Variants in GINM1 observed in about 807,000 individuals in gnomAD.
GINM1 encodes the protein glycoprotein integral membrane protein 1.
In GINM1, 29 loss-of-function variants were observed where a neutral mutation model predicts 37.8. The ratio of observed to expected loss-of-function variants is 0.77; its 90% CI spans 0.57 to 1.05. The LOEUF (loss-of-function observed/expected upper bound fraction) is 1.05. Ranked by LOEUF, GINM1 falls within the 50% of genes least tolerant of loss-of-function variation. The pLI, the probability that GINM1 is intolerant of heterozygous loss-of-function variation, is 0.00. For synonymous variants in GINM1, 143 were observed against 146.2 expected (o/e 0.98, Z 0.16); for missense variants, 377 against 397.9 (o/e 0.95, Z 0.45).
intron 3 of GINM1, 113 bp downstream of exon 3, chr6:149,572,716 C>T (rs754407638): frequency 5.5e-5 from 39 of 709,518 alleles, no homozygotes; most frequent in Non-Finnish European, 9.1e-5. Flanking sequence ...GGCTGGAGTG[C>T]AATGGTGCGA....
chr6:149,573,958 T>G (rs1387788295), intron 3 of GINM1, among the ~76,000 whole-genome samples: 2 of 151,980 alleles, frequency 1.3e-5, no homozygotes, highest in African/African-American at 4.8e-5. Context: ...CTTTAAAAAT[T>G]TTGAGTTGTT....
intron 1 of GINM1, among the ~76,000 whole-genome samples, chr6:149,569,717 T>TA (rs1219172793): frequency 6.6e-6 from 1 of 152,202 alleles, no homozygotes; most frequent in Non-Finnish European, 1.5e-5. Flanking sequence ...GGAGGACACT[T>TA]ACTTTCTTGT....
At position 149,590,737 on chromosome 6, in the gene GINM1, C is replaced by T. The variant is rs1313710024; in HGVS notation, c.892C>T (p.Gln298Ter). The change falls in exon 8 of 8, where the codon CAG (glutamine) becomes TAG (stop). Residue 298 changes from glutamine (Q) to a stop codon, truncating the protein, a stop_gained. Transcript: ENST00000367419. LOFTEE classifies it high-confidence loss of function. Reference sequence around the variant, plus strand: ...CACTTTCTATTTCAGAGGAATTCTTCAGTTGGATAAAGTGGACGTCATACC... The same window carrying T: ...CACTTTCTATTTCAGAGGAATTCTTTAGTTGGATAAAGTGGACGTCATACC... ...FPVSEYKGIL[Q>*]LDKVDVIPVT... is the part of the protein sequence containing the mutation. 2.6e-6 allele frequency: 4 copies of T among 1,527,850 alleles called. No individual in the cohort carries two copies. The highest frequency in any genetic ancestry group is 3.5e-5 in the Admixed American group (2 of 57,764). The allele number at this position is 1,527,850 out of a possible 1,614,324, so 94.6% of individuals were successfully genotyped here.
At chr6:149,585,786 G>A (rs1778062243) in intron 7 of GINM1, among the ~76,000 whole-genome samples, 1 of 152,074 alleles carries the variant, frequency 6.6e-6, no homozygotes, top group Non-Finnish European at 1.5e-5. Context: ...TAGAGACGAG[G>A]TTTCACTGTG....
chr6:149,567,925 A>C (rs1232298335), intron 1 of GINM1, among the ~76,000 whole-genome samples: 1 of 152,244 alleles, frequency 6.6e-6, no homozygotes, highest in Admixed American at 6.5e-5. Context: ...TTCAAGTTTT[A>C]AAGATTCATA....
intron 1 of GINM1, among the ~76,000 whole-genome samples, chr6:149,567,870 A>G (rs553068325): frequency 3.3e-4 from 51 of 152,364 alleles, no homozygotes; most frequent in African/African-American, 1.2e-3. Context: ...TAAAAGTGAA[A>G]TAGTTCTAAA....
intron 7 of GINM1, among the ~76,000 whole-genome samples, chr6:149,589,108 T>C (rs1274072822): frequency 6.6e-6 from 1 of 151,458 alleles, no homozygotes; most frequent in African/African-American, 2.4e-5. Flanking sequence ...CCAGCCATTT[T>C]TTTAAAAAAA....
At chr6:149,573,610 G>A (rs1190888452) in intron 3 of GINM1, among the ~76,000 whole-genome samples, 2 of 152,164 alleles carry the variant, frequency 1.3e-5, no homozygotes, top group African/African-American at 4.8e-5. Flanking sequence ...GCGGGGCATG[G>A]CGGCTCTAGC....
At chr6:149,582,000 C>T (rs949790416) in intron 6 of GINM1, 1 of 470,648 alleles carries the variant, frequency 2.1e-6, no homozygotes, top group African/African-American at 2.0e-5. Context: ...CAGTGAACTT[C>T]CCATGTATTC....
chr6:149,572,099 A>G (rs186180115), intron 1 of GINM1, among the ~76,000 whole-genome samples, 186 bp from the exon 2 acceptor site: 2 of 151,992 alleles, frequency 1.3e-5, no homozygotes, highest in Non-Finnish European at 2.9e-5. Context: ...ATAAATAAAT[A>G]AATAATTGGA....
chr6:149,573,032 G>A lies in GINM1; in HGVS notation c.277+429G>A, dbSNP rs570263471. 2.6e-5 allele frequency among the ~76,000 whole-genome samples: 4 copies of A among 152,240 alleles called. No homozygotes were observed. In the East Asian group the frequency reaches 7.7e-4, roughly 29 times the overall value. On this transcript the variant is annotated intron_variant, in intron 3 of 7. Coordinates refer to ENST00000367419, the MANE Select transcript of GINM1 (RefSeq NM_138785.5). ...GGATGTTATATATTTCCATTTTAAAGTAAAAATAGGCTGGGTGCAGTGGCT... is the reference window on the plus strand; with the variant it reads ...GGATGTTATATATTTCCATTTTAAAATAAAAATAGGCTGGGTGCAGTGGCT...
chr6:149,590,831 G>GT lies in GINM1; in HGVS notation c.987dup (p.Ile330TyrfsTer13). 6.6e-7 allele frequency: 1 copy of GT among 1,526,700 alleles called. No homozygotes were observed. Among genetic ancestry groups the GT allele is most frequent in the Non-Finnish European group, 9.1e-7 (1 of 1,102,766 alleles). The allele number at this position is 1,526,700 out of a possible 1,614,324, so 94.6% of individuals were successfully genotyped here. ...GCTGAAAACCTTGAAGATAAAACAT[G>GT]TATTTAAAACGCCATCTCATATCAT... On this transcript the variant is annotated frameshift_variant, in exon 8 of 8. Coordinates refer to ENST00000367419, the MANE Select transcript of GINM1 (RefSeq NM_138785.5). LOFTEE classifies it high-confidence loss of function.
intron 3 of GINM1, among the ~76,000 whole-genome samples, chr6:149,575,203 T>C (rs979942324): frequency 3.3e-5 from 5 of 152,224 alleles, no homozygotes; most frequent in African/African-American, 9.6e-5. Flanking sequence ...ACTCCTGCCT[T>C]GCCCTCACAC....
rs762455345 is a variant in GINM1 at position 149,578,985 on chromosome 6, T to G, written c.429+12T>G. ...TTGATGGAAAACAAGTAAGATAGTA[T>G]GTTTATTAATTGGGAATTAAATGAT... is the stretch of plus-strand genomic sequence containing the variant. On this transcript the variant is annotated intron_variant, in intron 4 of 7. Coordinates refer to ENST00000367419, the MANE Select transcript of GINM1 (RefSeq NM_138785.5). The G allele has an allele frequency of 5.5e-6, 8 of 1,463,574 alleles. No individual in the cohort carries two copies. Among genetic ancestry groups the G allele is most frequent in the Non-Finnish European group, 7.5e-6 (8 of 1,059,966 alleles). 90.7% of individuals were successfully genotyped at this position (1,463,574 alleles called of 1,614,324 possible). A position where few individuals can be genotyped will look rare whatever the true frequency, so the allele number is the denominator to read the frequency against.
At chr6:149,572,712 AGTG>A (rs1445679425) in intron 3 of GINM1, 109 bp downstream of exon 3, 10 of 727,216 alleles carry the variant, frequency 1.4e-5, no homozygotes, top group Non-Finnish European at 2.2e-5. Context: ...CCCAGGCTGG[AGTG>A]CAATGGTGCG....
intron 5 of GINM1, among the ~76,000 whole-genome samples, 195 bp from the exon 6 acceptor site, chr6:149,580,398 C>A (rs772130410): frequency 1.3e-5 from 2 of 152,170 alleles, no homozygotes; most frequent in Non-Finnish European, 2.9e-5. Flanking sequence ...ATCATAACTG[C>A]TTTAGCTCCT....
At chr6:149,590,184 T>C (rs968407840) in intron 7 of GINM1, among the ~76,000 whole-genome samples, 2 of 152,220 alleles carry the variant, frequency 1.3e-5, no homozygotes, top group Non-Finnish European at 1.5e-5. Flanking sequence ...AAAAAAATCT[T>C]ATGGCTGTTC....
In GINM1 at chr6:149,566,572, C is replaced by G; in HGVS notation, c.120+38C>G. On this transcript the variant is annotated intron_variant, in intron 1 of 7. Transcript: ENST00000367419. The surrounding 1 kb of genome is among the most constrained non-coding windows in gnomAD (Gnocchi z 4.4). ...GGGCCTGGCTGGCCGCTTTACGACT[C>G]CGACTCTCCGGGAGGCCCGGGCTGT... 1 of 1,456,998 alleles carries G rather than the reference C, an allele frequency of 6.9e-7. No individual in the cohort carries two copies. The highest frequency in any genetic ancestry group is 9.0e-7 in the Non-Finnish European group (1 of 1,105,910). The allele number at this position is 1,456,998 out of a possible 1,614,324, so 90.3% of individuals were successfully genotyped here.
chr6:149,575,277 C>T (rs1345533371), intron 3 of GINM1, among the ~76,000 whole-genome samples: 1 of 152,192 alleles, frequency 6.6e-6, no homozygotes, highest in Non-Finnish European at 1.5e-5. Context: ...GTATTTCTTT[C>T]AGTACAGGTT....
Sources: allele counts gnomAD v4.1 joint callset (sites outside exome capture counted in the v4.1 genomes callset), GRCh38; gene constraint gnomAD v4.1.1; non-coding constraint Gnocchi (gnomAD v3.1); transcripts MANE v1.5; gene names NCBI Gene and HGNC (gene_info 2026-07-23, HGNC 2026-07-21).